The following KCTD17 variants were observed in gnomAD, a reference collection of about 807,000 sequenced individuals.
KCTD17 encodes potassium channel tetramerization domain containing 17.
A neutral mutation model predicts 41.5 loss-of-function variants in KCTD17; 20 were observed. The ratio of observed to expected loss-of-function variants is 0.48; its 90% CI spans 0.34 to 0.70. The LOEUF (loss-of-function observed/expected upper bound fraction) is 0.70. Among genes scored for constraint, KCTD17 ranks in the 30% least tolerant of loss-of-function variants. The pLI is 0.01. For synonymous variants in KCTD17, 156 were observed against 173.8 expected (o/e 0.90, Z 0.80); for missense variants, 317 against 427.2 (o/e 0.74, Z 2.27).
At chr22:37,057,289 CTCT>C (rs1339613260) in intron 3 of KCTD17, 106 bp from the exon 4 acceptor site, 10 of 835,422 alleles carry the variant, frequency 1.2e-5, no homozygotes, top group Non-Finnish European at 1.8e-5. Flanking sequence ...TTCTCTCCCT[CTCT>C]TCTTCTTTGG....
Position 37,060,007 on chromosome 22 carries a change from G to T in KCTD17, c.612+569G>T, listed in dbSNP as rs150819749. Among the ~76,000 whole-genome samples the T allele has an allele frequency of 2.6e-3, 398 of 152,316 alleles. 1 individual carries two copies. The highest frequency in any genetic ancestry group is 6.8e-3 in the Middle Eastern group (2 of 294). ...TCTGCAGGATAGGGGCAGCCTGGTG[G>T]CTGCCAGTCCTGTGTGTCCGCCTGG... On this transcript the variant is annotated intron_variant, in intron 5 of 8. Coordinates refer to ENST00000403888, the MANE Select transcript of KCTD17 (RefSeq NM_001282684.2).
intron 2 of KCTD17, among the ~76,000 whole-genome samples, chr22:37,054,519 G>C (rs1443266961): frequency 1.3e-5 from 2 of 151,764 alleles, no homozygotes; most frequent in African/African-American, 4.8e-5. Context: ...GGCTATCCGG[G>C]GGCTAGGGGA....
Position 37,063,280 on chromosome 22 carries a change from G to A in KCTD17, c.*686G>A, listed in dbSNP as rs1362788668. On this transcript the variant is annotated 3_prime_UTR_variant, in exon 9 of 9. Transcript: ENST00000403888. The surrounding 1 kb of genome is among the most constrained non-coding windows in gnomAD (Gnocchi z 4.6). ...GACTCAGGAACTGCCCGGGGAGAGT[G>A]GGTATGGCGGCTGAGCCAGGGGCCC... 1 of 152,392 alleles carries A rather than the reference G, an allele frequency of 6.6e-6. No homozygotes were observed. Among genetic ancestry groups the A allele is most frequent in the African/African-American group, 2.4e-5 (1 of 41,422 alleles). The allele number at this position is 152,392 out of a possible 1,614,324, so 9.4% of individuals were successfully genotyped here. A position where few individuals can be genotyped will look rare whatever the true frequency, so the allele number is the denominator to read the frequency against.
At position 37,061,180 on chromosome 22, in the gene KCTD17, T is replaced by G; in HGVS notation, c.784+5T>G. On this transcript the variant is annotated splice_donor_5th_base_variant and intron_variant, in intron 7 of 8. Transcript: ENST00000403888. The surrounding 1 kb of genome is among the most constrained non-coding windows in gnomAD (Gnocchi z 6.6). ...CTCCTCCGCTTCCCGCTGGAGGTCC[T>G]GCCTCATCTTCATCCACCTCTTCTT... The G allele has an allele frequency of 6.4e-7, 1 of 1,551,040 alleles. No individual in the cohort carries two copies. Among genetic ancestry groups the G allele is most frequent in the South Asian group, 1.2e-5 (1 of 84,060 alleles).
intron 8 of KCTD17, chr22:37,062,213 C>CCTT: frequency 1.0e-6 from 1 of 985,270 alleles, no homozygotes; most frequent in Non-Finnish European, 1.2e-6. Flanking sequence ...CATCCCACCC[C>CCTT]CTTCAGAGTC....
intron 1 of KCTD17, chr22:37,052,763 A>T: frequency 2.3e-6 from 1 of 434,458 alleles, no homozygotes; most frequent in Non-Finnish European, 4.7e-6. Flanking sequence ...GGCTGGCTTC[A>T]GGGGACAGCC....
Position 37,053,317 on chromosome 22 carries a change from TTTC to T in KCTD17, c.298+110_298+112del. Reference sequence around the variant, plus strand: ...GGACGGCCATCTGCCTGCTTGGTTGTTTCCTGCCTCTTCCCAGTCGGACGGGGC... The same window carrying T: ...GGACGGCCATCTGCCTGCTTGGTTGTCTGCCTCTTCCCAGTCGGACGGGGC... On this transcript the variant is annotated intron_variant, in intron 2 of 8. Transcript: ENST00000403888. The surrounding 1 kb of genome is among the most constrained non-coding windows in gnomAD (Gnocchi z 4.1). The T allele has an allele frequency of 1.2e-6, 1 of 817,950 alleles. No individual in the cohort carries two copies. 50.7% of individuals were successfully genotyped at this position (817,950 alleles called of 1,614,324 possible).
intron 2 of KCTD17, chr22:37,055,056 G>A (rs950357524): frequency 6.6e-6 from 1 of 152,226 alleles, no homozygotes; most frequent in East Asian, 1.9e-4. Context: ...CTGACTTCTC[G>A]TTGTGTCCTC....
At chr22:37,059,278 AC>A in intron 4 of KCTD17, 34 bp from the exon 5 acceptor site, 1 of 1,608,774 alleles carries the variant, frequency 6.2e-7, no homozygotes, top group African/African-American at 1.3e-5. Context: ...CCCAACACCA[AC>A]CTGCATTTTT....
chr22:37,062,419 C>T (rs1925898346), intron 8 of KCTD17, 106 bp from the exon 9 acceptor site: 2 of 1,350,620 alleles, frequency 1.5e-6, no homozygotes, highest in African/African-American at 1.5e-5. Flanking sequence ...TCCCTCTCCC[C>T]CACCCGTCAA....
chr22:37,051,977 GGGCGGT>G (rs1400707594), intron 1 of KCTD17, 28 bp downstream of exon 1: 2 of 1,409,862 alleles, frequency 1.4e-6, no homozygotes, highest in African/African-American at 3.0e-5. Flanking sequence ...GGCGGCGAGC[GGGCGGT>G]GGGTCCTCCG....
At position 37,061,456 on chromosome 22, in the gene KCTD17, G is replaced by T; in HGVS notation, c.785-83G>T. The T allele has an allele frequency of 6.6e-7, 1 of 1,520,172 alleles. No individual in the cohort carries two copies. Among genetic ancestry groups the T allele is most frequent in the Non-Finnish European group, 8.8e-7 (1 of 1,135,428 alleles). The allele number at this position is 1,520,172 out of a possible 1,614,324, so 94.2% of individuals were successfully genotyped here. Reference sequence around the variant, plus strand: ...CCTCTGTGCCCACTAACCCTGCCGGGCACCTCTGAGACTGGGCCCTGGCTG... The same window carrying T: ...CCTCTGTGCCCACTAACCCTGCCGGTCACCTCTGAGACTGGGCCCTGGCTG... On this transcript the variant is annotated intron_variant, in intron 7 of 8. Transcript: ENST00000403888. This position sits in a 1 kb window ranked among gnomAD's most constrained non-coding sequence, Gnocchi z 6.6.
chr22:37,061,241 C>T lies in KCTD17; in HGVS notation c.784+66C>T. On this transcript the variant is annotated intron_variant, in intron 7 of 8. Coordinates refer to ENST00000403888, the MANE Select transcript of KCTD17 (RefSeq NM_001282684.2). The surrounding 1 kb of genome is among the most constrained non-coding windows in gnomAD (Gnocchi z 6.6). The stretch of plus-strand genomic sequence containing the variant: ...CTCATCTGCACCCTGCCTCTTCCCT[C>T]TCTGCCCCTGTCCGGGTTTTCTCTC... 1 of 1,547,248 alleles carries T rather than the reference C, an allele frequency of 6.5e-7. No homozygotes were observed. Among genetic ancestry groups the T allele is most frequent in the Admixed American group, 2.0e-5 (1 of 50,994 alleles).
intron 4 of KCTD17, among the ~76,000 whole-genome samples, chr22:37,057,855 T>A (rs1194297793): frequency 6.6e-6 from 1 of 152,196 alleles, no homozygotes; most frequent in Admixed American, 6.5e-5. Flanking sequence ...GAGTCCACAT[T>A]GAGTCAGTAC....
intron 8 of KCTD17, chr22:37,062,083 C>G (rs1014554502): frequency 5.1e-6 from 5 of 981,256 alleles, no homozygotes; most frequent in Non-Finnish European, 6.1e-6. Flanking sequence ...GCTCTGTGAC[C>G]TTGGGCAAGT....
intron 1 of KCTD17, 89 bp downstream of exon 1, chr22:37,052,038 G>A (rs1924549448): frequency 3.1e-6 from 4 of 1,274,822 alleles, no homozygotes; most frequent in Non-Finnish European, 3.0e-6. Flanking sequence ...CCGCCAGGCT[G>A]GGGACCCGGC....
chr22:37,062,340 C>T (rs1925890097), intron 8 of KCTD17, 185 bp from the exon 9 acceptor site: 2 of 985,184 alleles, frequency 2.0e-6, no homozygotes, highest in Non-Finnish European at 2.4e-6. Context: ...TCTGAATCCA[C>T]CTTCTTTGGG....
rs774903810 is a variant in KCTD17 at position 37,059,347 on chromosome 22, G to T, written c.521G>T (p.Ser174Ile). The T allele has an allele frequency of 6.2e-7, 1 of 1,613,228 alleles. No individual in the cohort carries two copies. The highest frequency in any genetic ancestry group is 8.5e-7 in the Non-Finnish European group (1 of 1,179,848). The change falls in exon 5 of 9, where the codon AGC becomes ATC. Residue 174 changes from serine to isoleucine, a missense_variant. By Grantham distance (142) the Ser-to-Ile change is moderately radical. Transcript: ENST00000403888. ...VNIGSSYNYG[S>I]EDQAEFLCVV... is the part of the protein sequence containing the mutation. Reference sequence around the variant, plus strand: ...ATCGGCTCCTCCTACAACTACGGCAGCGAGGACCAGGCAGAGTTCCTGTGT... The same window carrying T: ...ATCGGCTCCTCCTACAACTACGGCATCGAGGACCAGGCAGAGTTCCTGTGT...
rs565671883 is a variant in KCTD17 at position 37,054,157 on chromosome 22, C to T, written c.298+949C>T. 2.0e-5 allele frequency among the ~76,000 whole-genome samples: 3 copies of T among 152,294 alleles called. No homozygotes were observed. In the South Asian group the frequency reaches 6.2e-4, roughly 32 times the overall value. On this transcript the variant is annotated intron_variant, in intron 2 of 8. Coordinates refer to ENST00000403888, the MANE Select transcript of KCTD17 (RefSeq NM_001282684.2). Reference sequence around the variant, plus strand: ...ACTCTCTAATAGGTCAGGGCCACAACACCAGAGTCCACTGTAGGTGCCTGG... The same window carrying T: ...ACTCTCTAATAGGTCAGGGCCACAATACCAGAGTCCACTGTAGGTGCCTGG...
Sources: gnomAD v4.1 joint callset for allele counts (sites outside exome capture counted in the v4.1 genomes callset) on GRCh38, gnomAD v4.1.1 for gene constraint, Gnocchi (gnomAD v3.1) non-coding constraint, MANE v1.5 for transcripts, NCBI Gene and HGNC (gene_info 2026-07-23, HGNC 2026-07-21) for gene names.